POR: variants seen among roughly 807,000 people sequenced by gnomAD.
The protein encoded by POR is cytochrome p450 oxidoreductase, also known as NADPH--cytochrome P450 reductase.
In POR, 56 loss-of-function variants were observed where a neutral mutation model predicts 84.0. The observed-to-expected ratio is 0.67, with a 90% CI of 0.54 to 0.83. POR has a LOEUF of 0.83. Ranked by LOEUF, POR falls within the 40% of genes least tolerant of loss-of-function variation. The pLI is 0.00. For missense variants in POR, 938 were observed against 944.3 expected, an observed-to-expected ratio of 0.99 and a Z score of 0.09; for synonymous variants, 414 against 400.5, an observed-to-expected ratio of 1.03 and a Z score of -0.40.
chr7:75,921,453 G>A (rs1806860785), intron 1 of POR, among the ~76,000 whole-genome samples: 1 of 152,050 alleles, frequency 6.6e-6, no homozygotes, highest in Non-Finnish European at 1.5e-5. Context: ...GTAGAGACAG[G>A]GTTTCACTGT....
intron 2 of POR, among the ~76,000 whole-genome samples, chr7:75,957,946 A>G (rs1355411524): frequency 6.6e-6 from 1 of 152,170 alleles, no homozygotes; most frequent in African/African-American, 2.4e-5. Flanking sequence ...CACATTAGCC[A>G]TCTGACATCA....
chr7:75,958,803 A>G (rs530084088), intron 2 of POR, among the ~76,000 whole-genome samples: 1 of 113,984 alleles, frequency 8.8e-6, no homozygotes, highest in African/African-American at 3.5e-5. Context: ...ACATAGGGAG[A>G]CCCCCACCCC....
At chr7:75,956,022 G>A (rs1305199345) in intron 2 of POR, among the ~76,000 whole-genome samples, 1 of 152,196 alleles carries the variant, frequency 6.6e-6, no homozygotes, top group African/African-American at 2.4e-5. Context: ...TCAGGGCCAG[G>A]CACAGCGGCT....
intron 1 of POR, among the ~76,000 whole-genome samples, chr7:75,953,231 A>C (rs1320820849): frequency 1.5e-4 from 22 of 148,598 alleles, no homozygotes; most frequent in Non-Finnish European, 2.8e-4. Flanking sequence ...AGGCAGGAGA[A>C]TCAGGCAGGG....
intron 2 of POR, among the ~76,000 whole-genome samples, chr7:75,955,433 A>G (rs1787641338): frequency 6.6e-6 from 1 of 152,222 alleles, no homozygotes; most frequent in Non-Finnish European, 1.5e-5. Flanking sequence ...GTCATTCTCC[A>G]GATTTTAGGG....
At chr7:75,979,422 C>T (rs1345996149) in intron 3 of POR, 29 bp from the exon 4 acceptor site, 5 of 1,608,836 alleles carry the variant, frequency 3.1e-6, no homozygotes, top group Non-Finnish European at 3.4e-6. Flanking sequence ...GTCTGTGGCC[C>T]TCACCAACCC....
chr7:75,921,610 C>T (rs1194637617), intron 1 of POR, among the ~76,000 whole-genome samples: 1 of 152,122 alleles, frequency 6.6e-6, no homozygotes, highest in African/African-American at 2.4e-5. Flanking sequence ...AGCCCCTTGT[C>T]ACTTCCTGCT....
intron 11 of POR, 45 bp downstream of exon 11, chr7:75,985,003 G>A (rs782405208): frequency 3.0e-5 from 47 of 1,578,046 alleles, no homozygotes; most frequent in Admixed American, 1.0e-4. Flanking sequence ...TCACCCCGCC[G>A]TTTTCCGAGC....
At chr7:75,959,487 G>A (rs971584583) in intron 2 of POR, among the ~76,000 whole-genome samples, 12 of 152,218 alleles carry the variant, frequency 7.9e-5, no homozygotes, top group South Asian at 4.1e-4. Context: ...ACACGGTCTC[G>A]CCCTGTCACC....
chr7:75,959,027 G>C (rs12534169), intron 2 of POR, among the ~76,000 whole-genome samples: 4,674 of 152,252 alleles, frequency 0.031, 115 homozygotes, highest in Middle Eastern at 0.18. Flanking sequence ...CGCTCAAAAA[G>C]TTTCAGATTT....
At chr7:75,923,172 T>C (rs557629845) in intron 1 of POR, 2 of 1,128,060 alleles carry the variant, frequency 1.8e-6, no homozygotes, top group Non-Finnish European at 2.6e-6. Context: ...TTTTGAAACG[T>C]AGACAAGCCA....
At chr7:75,959,565 C>G (rs1787842837) in intron 2 of POR, among the ~76,000 whole-genome samples, 1 of 152,230 alleles carries the variant, frequency 6.6e-6, no homozygotes, top group Non-Finnish European at 1.5e-5. Context: ...AAGCGATTCT[C>G]TTGCTTCAGC....
At chr7:75,968,788 T>G (rs914168842) in intron 2 of POR, among the ~76,000 whole-genome samples, 2 of 152,188 alleles carry the variant, frequency 1.3e-5, no homozygotes, top group Non-Finnish European at 2.9e-5. Flanking sequence ...CCTTGTCCAC[T>G]CTGACGTTCC....
intron 2 of POR, among the ~76,000 whole-genome samples, chr7:75,955,979 A>G (rs1452296852): frequency 1.3e-5 from 2 of 152,218 alleles, no homozygotes; most frequent in African/African-American, 4.8e-5. Context: ...TACCATGGAC[A>G]GGGAATTAGT....
intron 7 of POR, among the ~76,000 whole-genome samples, 153 bp downstream of exon 7, chr7:75,981,759 C>G (rs1789060513): frequency 6.6e-6 from 1 of 152,216 alleles, no homozygotes; most frequent in Non-Finnish European, 1.5e-5. Flanking sequence ...GCCAAGGACT[C>G]ACTCTGCCAC....
intron 2 of POR, among the ~76,000 whole-genome samples, chr7:75,959,081 CA>C (rs1787817346): frequency 6.6e-6 from 1 of 152,144 alleles, no homozygotes; most frequent in Non-Finnish European, 1.5e-5. Context: ...TGTTATTTTA[CA>C]GAGCAGGAAG....
chr7:75,973,988 TA>T (rs1166094711), intron 3 of POR, among the ~76,000 whole-genome samples: 24 of 148,760 alleles, frequency 1.6e-4, no homozygotes, highest in Middle Eastern at 3.5e-3. Flanking sequence ...GACCTTGCTT[TA>T]AAAAAAAAAG....
At chr7:75,978,649 A>G (rs1220511904) in intron 3 of POR, among the ~76,000 whole-genome samples, 3 of 150,408 alleles carry the variant, frequency 2.0e-5, no homozygotes, top group Non-Finnish European at 4.4e-5. Flanking sequence ...TCAGCCTCCC[A>G]AGTAGCTGGG....
At chr7:75,970,072 G>A (rs189863547) in intron 2 of POR, among the ~76,000 whole-genome samples, 149 of 152,226 alleles carry the variant, frequency 9.8e-4, no homozygotes, top group African/African-American at 3.3e-3. Context: ...CCAGGGAGCC[G>A]CGTGGAAATG....
Sources: gnomAD v4.1 joint callset for allele counts (sites outside exome capture counted in the v4.1 genomes callset) on GRCh38, gnomAD v4.1.1 for gene constraint, MANE v1.5 for transcripts, NCBI Gene and HGNC (gene_info 2026-07-23, HGNC 2026-07-21) for gene names.